DIAPH2: variants seen among roughly 807,000 people sequenced by gnomAD.
The protein encoded by DIAPH2 is protein diaphanous homolog 2.
In DIAPH2, 35 loss-of-function variants were observed where a neutral mutation model predicts 92.7. That is an observed-to-expected ratio of 0.38 (90% CI 0.29 to 0.50). The LOEUF (loss-of-function observed/expected upper bound fraction) is 0.50, where lower values mean the gene tolerates loss of function less well. Among genes scored for constraint, DIAPH2 ranks in the 20% least tolerant of loss-of-function variants. The probability of loss-of-function intolerance (pLI) is 0.94; values close to 1 mark genes in which losing one functional copy is unlikely to be tolerated. For missense variants in DIAPH2, 701 were observed against 819.5 expected (o/e 0.86, Z 1.77); for synonymous variants, 301 against 280.4 (o/e 1.07, Z -0.73).
rs185292539 is a variant in DIAPH2 at position 97,409,424 on chromosome X, A to G, written c.3146-20226A>G. 6.8e-3 allele frequency among the ~76,000 whole-genome samples: 763 copies of G among 111,577 alleles called. 6 individuals carry two copies. The highest frequency in any genetic ancestry group is 0.011 in the Non-Finnish European group (600 of 53,061). ...TCCATTCCAAGATGGCCAAATAGGA[A>G]CAGCTGCAGTCTGCAGCTCCTAGAG... On this transcript the variant is annotated intron_variant, in intron 25 of 26. Transcript: ENST00000324765.
At chrX:97,133,727 G>A (rs946968584) in intron 21 of DIAPH2, among the ~76,000 whole-genome samples, 4 of 112,097 alleles carry the variant, frequency 3.6e-5, no homozygotes, top group Non-Finnish European at 7.5e-5. Flanking sequence ...TCTTCAACCC[G>A]AAATGAGTAT....
At position 97,427,008 on chromosome X, in the gene DIAPH2, C is replaced by G. The variant is rs1008025199; in HGVS notation, c.3146-2642C>G. Among the ~76,000 whole-genome samples, 3 of 10,653 alleles carry G rather than the reference C, an allele frequency of 2.8e-4. No homozygotes were observed. The Non-Finnish European group carries it at 0.028, about 98-fold the overall frequency. The allele number at this position is 10,653 out of a possible 115,157, so 9.3% of individuals were successfully genotyped here. On this transcript the variant is annotated intron_variant, in intron 25 of 26. Coordinates refer to ENST00000324765, the MANE Select transcript of DIAPH2 (RefSeq NM_006729.5). ...CCTGGCCAACATGGTGAAACCCTGT[C>G]TCTACTGAAAAATACAAAAATTAGC...
At chrX:97,529,918 G>A (rs1314233990) in intron 26 of DIAPH2, among the ~76,000 whole-genome samples, 2 of 112,250 alleles carry the variant, frequency 1.8e-5, no homozygotes, top group African/African-American at 6.5e-5. Flanking sequence ...ACATAAGCCA[G>A]ATAACAGACA....
chrX:96,710,615 C>CA (rs1487839522), intron 1 of DIAPH2, among the ~76,000 whole-genome samples: 1 of 111,387 alleles, frequency 9.0e-6, no homozygotes, highest in Non-Finnish European at 1.9e-5. Context: ...TAATGCTAGT[C>CA]AATCTTTGGA....
At position 96,958,121 on chromosome X, in the gene DIAPH2, G is replaced by T. The variant is rs20389; in HGVS notation, c.1908G>T (p.Val636=). ...AGAAAAAAATGTATAAACCTGAAGT[G>T]TCCATGAAGAGAATCAATTGGTCAA... ...MKQKKMYKPE[V]SMKRINWSKI... The change falls in exon 16 of 27, where the codon GTG becomes GTT. Residue 636 remains valine, a synonymous_variant. Coordinates refer to ENST00000324765, the MANE Select transcript of DIAPH2 (RefSeq NM_006729.5). The T allele has an allele frequency of 1.1e-5, 13 of 1,205,032 alleles. No individual in the cohort carries two copies. In the South Asian group the frequency reaches 2.3e-4, roughly 22 times the overall value.
chrX:97,019,171 G>A (rs1193391031), intron 17 of DIAPH2, among the ~76,000 whole-genome samples: 15 of 111,780 alleles, frequency 1.3e-4, no homozygotes, highest in Admixed American at 1.1e-3. Context: ...TGCCATAACC[G>A]TTTGTGCTCA....
rs763880913 is a variant in DIAPH2 at position 96,704,570 on chromosome X, A to AT, written c.132+19387dup. ...TCTCTCTTACTTGCCCTACCATATG[A>AT]TTTTTTTGCCAAAAAGGTTGGGGCT... On this transcript the variant is annotated intron_variant, in intron 1 of 26. Transcript: ENST00000324765. Among the ~76,000 whole-genome samples the AT allele has an allele frequency of 3.2e-3, 353 of 111,380 alleles. 1 individual carries two copies. Among genetic ancestry groups the AT allele is most frequent in the African/African-American group, 0.011 (335 of 30,634 alleles).
At chrX:97,255,038 A>T (rs149280312) in intron 23 of DIAPH2, among the ~76,000 whole-genome samples, 126 of 111,700 alleles carry the variant, frequency 1.1e-3, no homozygotes, top group Non-Finnish European at 4.3e-4. Context: ...AATTGAGGCT[A>T]TAGAGGTTCA....
chrX:97,179,150 G>A (rs983047081), intron 22 of DIAPH2, among the ~76,000 whole-genome samples: 2 of 110,433 alleles, frequency 1.8e-5, no homozygotes, highest in Non-Finnish European at 3.8e-5. Flanking sequence ...ATCGGTGTTA[G>A]TGGTGGTAAT....
At chrX:97,125,491 A>G (rs1452118817) in intron 21 of DIAPH2, among the ~76,000 whole-genome samples, 1 of 105,685 alleles carries the variant, frequency 9.5e-6, no homozygotes, top group East Asian at 2.9e-4. Context: ...AAAAAAAAAA[A>G]AAAAAAAAGA....
At chrX:97,191,326 CAA>C (rs201405289) in intron 22 of DIAPH2, among the ~76,000 whole-genome samples, 1 of 78,756 alleles carries the variant, frequency 1.3e-5, no homozygotes, top group African/African-American at 5.5e-5. Flanking sequence ...GAAACTCTCT[CAA>C]AAAAAAAAAG....
In DIAPH2 at chrX:96,904,419, G is replaced by A. The variant is rs190865816; in HGVS notation, c.588-7909G>A. 1.1e-3 allele frequency among the ~76,000 whole-genome samples: 121 copies of A among 112,092 alleles called. 1 individual carries two copies. Among genetic ancestry groups the A allele is most frequent in the African/African-American group, 3.8e-3 (119 of 30,965 alleles). ...ACATTCAAATGCCCAAAGCTATTGT[G>A]TTTGCTTTCATGTAGAGAAACCTGA... On this transcript the variant is annotated intron_variant, in intron 5 of 26. Transcript: ENST00000324765.
intron 26 of DIAPH2, among the ~76,000 whole-genome samples, chrX:97,432,032 C>A (rs909884389): frequency 3.6e-5 from 4 of 111,728 alleles, no homozygotes; most frequent in African/African-American, 1.3e-4. Flanking sequence ...CATTCTTGAT[C>A]TTTTCCAACA....
At chrX:97,115,289 A>G (rs1025127609) in intron 21 of DIAPH2, among the ~76,000 whole-genome samples, 1 of 111,327 alleles carries the variant, frequency 9.0e-6, no homozygotes, top group Non-Finnish European at 1.9e-5. Context: ...TAATCCCAGC[A>G]CTTTGAGAGG....
intron 20 of DIAPH2, among the ~76,000 whole-genome samples, chrX:97,111,035 G>C (rs1009109555): frequency 9.0e-6 from 1 of 111,498 alleles, no homozygotes; most frequent in East Asian, 2.8e-4. Context: ...TGAGAAGATG[G>C]TCAGCTGAAT....
intron 26 of DIAPH2, among the ~76,000 whole-genome samples, chrX:97,544,517 G>GC (rs2071164949): frequency 1.8e-5 from 2 of 111,847 alleles, no homozygotes; most frequent in African/African-American, 6.5e-5. Context: ...CAGTGTTGCT[G>GC]CATCTCCATT....
intron 26 of DIAPH2, among the ~76,000 whole-genome samples, chrX:97,476,456 A>G (rs756029788): frequency 2.7e-5 from 3 of 111,979 alleles, no homozygotes; most frequent in Admixed American, 1.9e-4. Flanking sequence ...ACATGTCTGC[A>G]TCTTGCCTAA....
intron 1 of DIAPH2, among the ~76,000 whole-genome samples, chrX:96,725,792 A>G (rs1217376708): frequency 8.9e-6 from 1 of 112,497 alleles, no homozygotes; most frequent in African/African-American, 3.2e-5. Context: ...CAAAAAATAT[A>G]ATAATACCTT....
chrX:97,058,500 C>T (rs1457957901), intron 17 of DIAPH2, among the ~76,000 whole-genome samples: 2 of 105,204 alleles, frequency 1.9e-5, no homozygotes, highest in African/African-American at 3.5e-5. Flanking sequence ...CTATGCTTGA[C>T]CTTCCTGCTA....
Sources: gnomAD v4.1 joint callset for allele counts (sites outside exome capture counted in the v4.1 genomes callset) on GRCh38, gnomAD v4.1.1 for gene constraint, MANE v1.5 for transcripts, NCBI Gene and HGNC (gene_info 2026-07-23, HGNC 2026-07-21) for gene names.